RIPOR2: variants seen among roughly 807,000 people sequenced by gnomAD.
RIPOR2 encodes RHO family interacting cell polarization regulator 2.
Under a neutral mutation model 114.5 loss-of-function variants are expected in RIPOR2, and 39 were observed. The ratio of observed to expected loss-of-function variants is 0.34; its 90% confidence interval spans 0.26 to 0.44. RIPOR2 has a LOEUF of 0.44. Ranked by LOEUF, RIPOR2 falls within the 20% of genes least tolerant of loss-of-function variation. The probability of loss-of-function intolerance (pLI) is 1.00; values close to 1 mark genes in which losing one functional copy is unlikely to be tolerated. For synonymous variants in RIPOR2, 445 were observed against 484.4 expected (o/e 0.92, Z 1.07); for missense variants, 1,007 against 1,255.1 (o/e 0.80, Z 2.99).
chr6:24,904,104 G>C (rs1028108617), intron 1 of RIPOR2, among the ~76,000 whole-genome samples: 1 of 152,282 alleles, frequency 6.6e-6, no homozygotes, highest in East Asian at 1.9e-4. Context: ...AGGTAGAAGC[G>C]GGGGCAAGGC....
intron 1 of RIPOR2, among the ~76,000 whole-genome samples, chr6:25,031,753 AAT>A (rs1776988215): frequency 1.8e-4 from 19 of 104,976 alleles, no homozygotes; most frequent in Middle Eastern, 5.3e-3. Context: ...ATATATATAA[AAT>A]ATCCATAGAA....
At chr6:24,834,021 G>A (rs1562233422) in intron 15 of RIPOR2, among the ~76,000 whole-genome samples, 1 of 151,910 alleles carries the variant, frequency 6.6e-6, no homozygotes, top group African/African-American at 2.4e-5. Flanking sequence ...GAGCTGTCTC[G>A]TTCAAATGGT....
intron 18 of RIPOR2, among the ~76,000 whole-genome samples, chr6:24,826,262 A>G (rs974943863): frequency 6.4e-4 from 98 of 152,280 alleles, no homozygotes; most frequent in African/African-American, 2.1e-3. Flanking sequence ...ATAGGAAGAC[A>G]ATATTAAAAA....
chr6:24,886,756 T>C (rs1461159574), intron 1 of RIPOR2, among the ~76,000 whole-genome samples: 1 of 152,202 alleles, frequency 6.6e-6, no homozygotes, highest in Non-Finnish European at 1.5e-5. Flanking sequence ...GGTTAAAGTG[T>C]TGTTGGCCAG....
intron 1 of RIPOR2, among the ~76,000 whole-genome samples, chr6:24,968,555 T>G (rs1165992523): frequency 1.3e-5 from 2 of 152,142 alleles, no homozygotes; most frequent in African/African-American, 4.8e-5. Context: ...CATCTGGCAA[T>G]GTCTGGAGGC....
chr6:24,923,201 G>A (rs1273136213), intron 1 of RIPOR2, among the ~76,000 whole-genome samples: 1 of 152,188 alleles, frequency 6.6e-6, no homozygotes, highest in Non-Finnish European at 1.5e-5. Flanking sequence ...GGTAGCAGGT[G>A]TCAGCATTTC....
chr6:25,031,698 GTTATATATATATATATATAT>G lies in RIPOR2; in HGVS notation c.76+10133_76+10152del, dbSNP rs1299419502. On this transcript the variant is annotated intron_variant, in intron 1 of 13. Transcript: ENST00000510784. ...GGTTAGGTATGTGATGTAGGTGGTA[GTTATATATATATATATATAT>G]ATATATATATATATATATATATATA... Among the ~76,000 whole-genome samples, 15 of 48,020 alleles carry G rather than the reference GTTATATATATATATATATAT, an allele frequency of 3.1e-4. No individual in the cohort carries two copies. In the South Asian group the frequency reaches 9.4e-3, roughly 30 times the overall value. The allele number at this position is 48,020 out of a possible 152,430, so 31.5% of individuals were successfully genotyped here. A position where few individuals can be genotyped will look rare whatever the true frequency, so the allele number is the denominator to read the frequency against.
chr6:24,844,096 C>A (rs888176057), intron 12 of RIPOR2, among the ~76,000 whole-genome samples: 2 of 152,128 alleles, frequency 1.3e-5, no homozygotes, highest in African/African-American at 4.8e-5. Context: ...AATTTAGTAA[C>A]CACACCATAA....
chr6:24,935,668 T>G (rs1771757904), intron 1 of RIPOR2, among the ~76,000 whole-genome samples, 170 bp downstream of exon 1: 1 of 152,370 alleles, frequency 6.6e-6, no homozygotes, highest in Admixed American at 6.5e-5. Flanking sequence ...TTGCCTTGTG[T>G]ATTCCTTCAG....
chr6:24,849,777 A>G lies in RIPOR2; in HGVS notation c.1034+25T>C, dbSNP rs763136694. 15 of 1,600,440 alleles carry G rather than the reference A, an allele frequency of 9.4e-6. No individual in the cohort carries two copies. In the East Asian group the frequency reaches 3.3e-4, roughly 36 times the overall value. The stretch of plus-strand genomic sequence containing the variant: ...AGCCGGTATCAGATATTTCTATATG[A>G]TGAAATAAAGGAAGAGGCACTTACT... On this transcript the variant is annotated intron_variant, in intron 11 of 21. Transcript: ENST00000643898.
intron 1 of RIPOR2, among the ~76,000 whole-genome samples, chr6:25,039,772 A>G (rs1777389819): frequency 6.6e-6 from 1 of 152,232 alleles, no homozygotes; most frequent in Non-Finnish European, 1.5e-5. Context: ...TATAGAATGA[A>G]GTTTCATAAA....
chr6:24,836,703 G>A (rs547331170), intron 14 of RIPOR2, among the ~76,000 whole-genome samples: 24 of 152,228 alleles, frequency 1.6e-4, no homozygotes, highest in Admixed American at 5.9e-4. Context: ...AGAGCTTAGA[G>A]GCTTTGAATG....
intron 1 of RIPOR2, among the ~76,000 whole-genome samples, chr6:24,957,648 T>C (rs1581873106): frequency 1.3e-5 from 2 of 152,094 alleles, no homozygotes; most frequent in Middle Eastern, 6.8e-3. Context: ...CCGAGGCAGG[T>C]GGATCACGAG....
At chr6:24,958,958 C>CTTTTTTTTTTTTTTTTT (rs1554124803) in intron 1 of RIPOR2, among the ~76,000 whole-genome samples, 2 of 123,218 alleles carry the variant, frequency 1.6e-5, no homozygotes, top group African/African-American at 3.5e-5. Context: ...TCTACATTTT[C>CTTTTTTTTTTTTTTTTT]TTTTTTTTTT....
chr6:24,912,495 C>T (rs79436047), intron 1 of RIPOR2, among the ~76,000 whole-genome samples: 2 of 140,428 alleles, frequency 1.4e-5, no homozygotes, highest in South Asian at 2.6e-4. Context: ...CATTTCAGAG[C>T]TTTTATAGCA....
chr6:24,998,838 C>T (rs746776395), intron 1 of RIPOR2, among the ~76,000 whole-genome samples: 19 of 151,616 alleles, frequency 1.3e-4, no homozygotes, highest in Admixed American at 5.9e-4. Context: ...GACAATGGCA[C>T]GGGAACAGAT....
At position 24,858,566 on chromosome 6, in the gene RIPOR2, G is replaced by A. The variant is rs1028043987; in HGVS notation, c.715+2407C>T. On this transcript the variant is annotated intron_variant, in intron 8 of 21. Coordinates refer to ENST00000643898, the MANE Select transcript of RIPOR2 (RefSeq NM_001286445.3). This position sits in a 1 kb window ranked among gnomAD's most constrained non-coding sequence, Gnocchi z 4.0. ...GGAGGAAGAGAAAGATTTCCATGGGGGTGTTTACCATTGAAAGCCTTCACA... is the reference window on the plus strand; with the variant it reads ...GGAGGAAGAGAAAGATTTCCATGGGAGTGTTTACCATTGAAAGCCTTCACA... Among the ~76,000 whole-genome samples the A allele has an allele frequency of 2.0e-5, 3 of 152,126 alleles. No individual in the cohort carries two copies. Among genetic ancestry groups the A allele is most frequent in the African/African-American group, 7.2e-5 (3 of 41,416 alleles).
At chr6:24,890,974 T>C (rs897887886) in intron 1 of RIPOR2, among the ~76,000 whole-genome samples, 11 of 152,164 alleles carry the variant, frequency 7.2e-5, no homozygotes, top group Non-Finnish European at 1.5e-4. Context: ...AAAAATTACC[T>C]TGGTCTTTCT....
intron 3 of RIPOR2, 70 bp from the exon 4 acceptor site, chr6:24,873,029 C>T (rs1311728337): frequency 1.9e-6 from 2 of 1,040,756 alleles, no homozygotes; most frequent in Admixed American, 3.5e-5. Flanking sequence ...CTGTTGCTGA[C>T]TTTTCCTTCT....
Sources: gnomAD v4.1 joint callset for allele counts (sites outside exome capture counted in the v4.1 genomes callset) on GRCh38, gnomAD v4.1.1 for gene constraint, Gnocchi (gnomAD v3.1) non-coding constraint, MANE v1.5 for transcripts, NCBI Gene and HGNC (gene_info 2026-07-23, HGNC 2026-07-21) for gene names.